The following TENM4 variants were observed in gnomAD, a reference collection of about 807,000 sequenced individuals.
The protein encoded by TENM4 is teneurin transmembrane protein 4.
A neutral mutation model predicts 243.3 loss-of-function variants in TENM4; 82 were observed. The ratio of observed to expected loss-of-function variants is 0.34; its 90% CI spans 0.28 to 0.40. The LOEUF is 0.40. Ranked by LOEUF, TENM4 falls within the 10% of genes least tolerant of loss-of-function variation. The probability of loss-of-function intolerance (pLI) is 1.00; values close to 1 mark genes in which losing one functional copy is unlikely to be tolerated. For synonymous variants in TENM4, 1,412 were observed against 1,456.3 expected (o/e 0.97, Z 0.69); for missense variants, 3,138 against 3,673.3 (o/e 0.85, Z 3.77).
chr11:78,917,886 C>T (rs923621607), intron 6 of TENM4, among the ~76,000 whole-genome samples: 1 of 152,172 alleles, frequency 6.6e-6, no homozygotes, highest in Non-Finnish European at 1.5e-5. Flanking sequence ...GCCCATTTTC[C>T]TGGCTTGAGA....
chr11:79,102,663 T>C (rs984555344), intron 4 of TENM4, among the ~76,000 whole-genome samples: 8 of 152,216 alleles, frequency 5.3e-5, no homozygotes, highest in Non-Finnish European at 1.0e-4. Context: ...TGTCTGTCCA[T>C]CCATCTATCC....
intron 31 of TENM4, among the ~76,000 whole-genome samples, chr11:78,671,718 G>C (rs905233071): frequency 2.6e-5 from 4 of 152,164 alleles, no homozygotes; most frequent in African/African-American, 9.7e-5. Context: ...ACATGCCCTA[G>C]ACCTGGGAGC....
chr11:78,770,073 T>C (rs968718453), intron 18 of TENM4, among the ~76,000 whole-genome samples: 2 of 152,250 alleles, frequency 1.3e-5, no homozygotes, highest in East Asian at 3.8e-4. Context: ...CTAAGCCAAT[T>C]GTTAGGCCAT....
At chr11:78,836,538 A>G (rs774244690) in intron 12 of TENM4, among the ~76,000 whole-genome samples, 3 of 152,200 alleles carry the variant, frequency 2.0e-5, no homozygotes, top group Admixed American at 6.5e-5. Context: ...ACTCTTACAC[A>G]ATGTAGGGGA....
chr11:78,785,198 C>G (rs150795843), intron 16 of TENM4, among the ~76,000 whole-genome samples: 1 of 152,020 alleles, frequency 6.6e-6, no homozygotes, highest in Non-Finnish European at 1.5e-5. Flanking sequence ...CCTCAGATGA[C>G]CAGGGCCACT....
chr11:79,434,211 A>T (rs536975643), intron 1 of TENM4, among the ~76,000 whole-genome samples: 1 of 152,224 alleles, frequency 6.6e-6, no homozygotes, highest in East Asian at 1.9e-4. Flanking sequence ...AATAGCATGT[A>T]GGCATGTTGA....
At chr11:78,911,250 G>C (rs937613343) in intron 6 of TENM4, among the ~76,000 whole-genome samples, 7 of 152,184 alleles carry the variant, frequency 4.6e-5, no homozygotes, top group Non-Finnish European at 8.8e-5. Context: ...TGCATGCAAT[G>C]ACTGGGACCA....
At chr11:78,881,374 G>A (rs1368081608) in intron 9 of TENM4, among the ~76,000 whole-genome samples, 2 of 152,174 alleles carry the variant, frequency 1.3e-5, no homozygotes, top group African/African-American at 4.8e-5. Context: ...CCACCAGGAG[G>A]AGGTTGTCAG....
chr11:79,055,315 C>G (rs1292510484), intron 6 of TENM4, among the ~76,000 whole-genome samples: 1 of 152,040 alleles, frequency 6.6e-6, no homozygotes, highest in Non-Finnish European at 1.5e-5. Context: ...GATCTTGGCT[C>G]ACAGCAACTT....
At chr11:78,784,639 T>C (rs1446207210) in intron 16 of TENM4, among the ~76,000 whole-genome samples, 1 of 152,226 alleles carries the variant, frequency 6.6e-6, no homozygotes, top group Non-Finnish European at 1.5e-5. Context: ...CCGTCAACCT[T>C]ATTCTTATAT....
rs544867032 is a variant in TENM4 at position 79,152,988 on chromosome 11, A to T, written c.-162-4182T>A. Among the ~76,000 whole-genome samples the T allele has an allele frequency of 1.1e-3, 165 of 152,310 alleles. 1 individual carries two copies. Among genetic ancestry groups the T allele is most frequent in the African/African-American group, 3.6e-3 (148 of 41,578 alleles). ...TACATGGATGTTTGTTCTTCTAAAG[A>T]TTCTGGGCACATTTTTAGAATGGCT... is the stretch of plus-strand genomic sequence containing the variant. On this transcript the variant is annotated intron_variant, in intron 3 of 33. Transcript: ENST00000278550.
intron 12 of TENM4, among the ~76,000 whole-genome samples, chr11:78,846,581 T>C (rs1359023495): frequency 1.3e-5 from 2 of 152,244 alleles, no homozygotes; most frequent in Non-Finnish European, 2.9e-5. Flanking sequence ...CGAGGCATAA[T>C]GGAAAACGTC....
intron 28 of TENM4, among the ~76,000 whole-genome samples, chr11:78,692,430 A>G (rs1858850068): frequency 1.3e-5 from 2 of 152,064 alleles, no homozygotes; most frequent in South Asian, 4.1e-4. Context: ...TTTCTCTTCT[A>G]TAAATGGGGA....
chr11:79,319,345 C>T (rs1160001316), intron 1 of TENM4, among the ~76,000 whole-genome samples: 1 of 152,132 alleles, frequency 6.6e-6, no homozygotes, highest in Non-Finnish European at 1.5e-5. Context: ...TTTCCAGTTA[C>T]AGGTTTCGGA....
chr11:78,812,029 G>A (rs137991565), intron 14 of TENM4, 93 bp downstream of exon 14: 2 of 1,450,854 alleles, frequency 1.4e-6, no homozygotes, highest in East Asian at 2.5e-5. Context: ...AATGGCTCAG[G>A]AGGCTTCCCC....
intron 1 of TENM4, among the ~76,000 whole-genome samples, chr11:79,299,248 T>C (rs181276883): frequency 6.6e-6 from 1 of 152,352 alleles, no homozygotes; most frequent in Admixed American, 6.5e-5. Context: ...AGAACTGAAG[T>C]CTTTCATCTT....
chr11:79,147,811 G>A (rs1300612732), intron 4 of TENM4, among the ~76,000 whole-genome samples: 1 of 152,106 alleles, frequency 6.6e-6, no homozygotes, highest in East Asian at 1.9e-4. Context: ...AGAAATGGCA[G>A]TCTATGGCCA....
intron 6 of TENM4, chr11:79,021,903 G>T (rs1858938428): frequency 6.6e-6 from 1 of 152,236 alleles, no homozygotes; most frequent in South Asian, 2.1e-4. Flanking sequence ...ACCTTCAGAA[G>T]AAAATCCCTT....
intron 2 of TENM4, among the ~76,000 whole-genome samples, chr11:79,218,471 A>G (rs1027018912): frequency 6.6e-6 from 1 of 151,908 alleles, no homozygotes; most frequent in African/African-American, 2.4e-5. Flanking sequence ...GAAACACTCA[A>G]ATTTCTTTCT....
Sources: allele counts gnomAD v4.1 joint callset (sites outside exome capture counted in the v4.1 genomes callset), GRCh38; gene constraint gnomAD v4.1.1; transcripts MANE v1.5; gene names NCBI Gene and HGNC (gene_info 2026-07-23, HGNC 2026-07-21).